The following PHF24 variants were observed in gnomAD, a reference collection of about 807,000 sequenced individuals.
PHF24 encodes PHD finger protein 24, also known as Galpha inhibitory interacting protein.
In PHF24, 25 loss-of-function variants were observed where a neutral mutation model predicts 42.6. That is an observed-to-expected ratio of 0.59 (90% confidence interval 0.43 to 0.82). The LOEUF (loss-of-function observed/expected upper bound fraction) is 0.82. Among genes scored for constraint, PHF24 ranks in the 40% least tolerant of loss-of-function variants. PHF24 has a pLI of 0.00. For missense variants in PHF24, 470 were observed against 538.1 expected, an observed-to-expected ratio of 0.87 and a Z score of 1.25; for synonymous variants, 185 against 204.8, an observed-to-expected ratio of 0.90 and a Z score of 0.83.
chr9:34,828,304 T>G, the PHF24 span, among the ~76,000 whole-genome samples: 1 of 152,178 alleles, frequency 6.6e-6, no homozygotes, highest in African/African-American at 2.4e-5. Context: ...CCCCTTGACT[T>G]GGGAATTCAC....
At chr9:34,821,644 G>A in the PHF24 span, among the ~76,000 whole-genome samples, 3 of 152,210 alleles carry the variant, frequency 2.0e-5, no homozygotes. Context: ...GTGCCTGTGT[G>A]TAGCTTCCTG....
chr9:34,687,772 A>G, the PHF24 span, among the ~76,000 whole-genome samples: 1 of 152,024 alleles, frequency 6.6e-6, no homozygotes, highest in African/African-American at 2.4e-5. Context: ...CTCCCCTCCC[A>G]TGTGTGTTTG....
chr9:34,748,641 C>T, the PHF24 span, among the ~76,000 whole-genome samples: 4 of 152,112 alleles, frequency 2.6e-5, no homozygotes, highest in Non-Finnish European at 4.4e-5. Context: ...TTGGGGCGTC[C>T]CTTAATGCAG....
chr9:34,804,792 A>C, the PHF24 span, among the ~76,000 whole-genome samples: 1 of 152,340 alleles, frequency 6.6e-6, no homozygotes, highest in Admixed American at 6.5e-5. Flanking sequence ...GCATATTCAG[A>C]TATGTGCAAC....
intron 1 of PHF24, among the ~76,000 whole-genome samples, chr9:34,960,865 C>G (rs1046918757): frequency 6.6e-6 from 1 of 152,194 alleles, no homozygotes; most frequent in African/African-American, 2.4e-5. Context: ...AAAGATGTCA[C>G]CAGGTGGCCT....
the PHF24 span, among the ~76,000 whole-genome samples, chr9:34,828,138 C>T: frequency 3.3e-5 from 5 of 151,990 alleles, no homozygotes; most frequent in African/African-American, 9.7e-5. Context: ...TTCCCACAGC[C>T]ACGGCCCCTC....
chr9:34,971,664 G>A (rs1444219110), exon 2 of PHF24: 1 of 1,609,468 alleles, frequency 6.2e-7, no homozygotes, highest in African/African-American at 1.3e-5. Flanking sequence ...TCTGCCTGGA[G>A]CCCAGAGAGC....
chr9:34,924,229 T>C, the PHF24 span, among the ~76,000 whole-genome samples: 1 of 152,214 alleles, frequency 6.6e-6, no homozygotes, highest in Non-Finnish European at 1.5e-5. Flanking sequence ...ATATGGGCTG[T>C]CCTTGAGAAT....
the PHF24 span, among the ~76,000 whole-genome samples, chr9:34,763,519 A>G: frequency 6.6e-6 from 1 of 152,132 alleles, no homozygotes; most frequent in Non-Finnish European, 1.5e-5. Flanking sequence ...GGTATACAAG[A>G]ATGCTTGTGA....
At chr9:34,755,434 G>A in the PHF24 span, among the ~76,000 whole-genome samples, 2 of 151,932 alleles carry the variant, frequency 1.3e-5, no homozygotes, top group African/African-American at 2.4e-5. Flanking sequence ...TTCTAACTGG[G>A]ATGAGATGAT....
the PHF24 span, among the ~76,000 whole-genome samples, chr9:34,874,274 G>A: frequency 0.77 from 116,396 of 152,100 alleles, 44,689 homozygotes; most frequent in East Asian, 0.87. Flanking sequence ...GTCTTGTGCC[G>A]GTTTTCAAAG....
chr9:34,774,894 A>G, the PHF24 span, among the ~76,000 whole-genome samples: 1 of 152,220 alleles, frequency 6.6e-6, no homozygotes, highest in Admixed American at 6.5e-5. Flanking sequence ...GATGGCTAAT[A>G]TTAATAATAA....
the PHF24 span, among the ~76,000 whole-genome samples, chr9:34,754,220 C>A: frequency 1.3e-5 from 2 of 152,008 alleles, no homozygotes; most frequent in Admixed American, 6.6e-5. Flanking sequence ...AAGAGACAAC[C>A]CACAAATGGA....
chr9:34,918,524 A>C, the PHF24 span, among the ~76,000 whole-genome samples: 1 of 152,218 alleles, frequency 6.6e-6, no homozygotes, highest in Non-Finnish European at 1.5e-5. Flanking sequence ...CACCTTCCAA[A>C]ATGTCTCCCA....
chr9:34,839,041 G>A, the PHF24 span, among the ~76,000 whole-genome samples: 565 of 152,328 alleles, frequency 3.7e-3, 3 homozygotes, highest in African/African-American at 0.013. Context: ...GGGGATTATG[G>A]CTGATGTGGT....
At chr9:34,910,979 C>T in the PHF24 span, among the ~76,000 whole-genome samples, 2 of 152,070 alleles carry the variant, frequency 1.3e-5, no homozygotes, top group Non-Finnish European at 2.9e-5. Flanking sequence ...CACATCATCA[C>T]ACCTGACTAA....
the PHF24 span, among the ~76,000 whole-genome samples, chr9:34,680,415 G>A: frequency 4.0e-5 from 6 of 150,996 alleles, no homozygotes; most frequent in African/African-American, 1.2e-4. Flanking sequence ...AAGGCCGGGC[G>A]CGGTGGCTCA....
At chr9:34,910,310 CCT>C in the PHF24 span, among the ~76,000 whole-genome samples, 2 of 151,960 alleles carry the variant, frequency 1.3e-5, no homozygotes, top group African/African-American at 2.4e-5. Flanking sequence ...CCTTTTTTCC[CCT>C]CTCTTGGAAA....
chr9:34,762,932 T>C, the PHF24 span, among the ~76,000 whole-genome samples: 3 of 152,116 alleles, frequency 2.0e-5, no homozygotes, highest in African/African-American at 4.8e-5. Flanking sequence ...CCAGTTTTCC[T>C]AGCACCATTT....
Sources: allele counts gnomAD v4.1 joint callset (sites outside exome capture counted in the v4.1 genomes callset), GRCh38; gene constraint gnomAD v4.1.1; transcripts MANE v1.5; gene names NCBI Gene and HGNC (gene_info 2026-07-23, HGNC 2026-07-21).